The following LRPPRC variants were observed in gnomAD, a reference collection of about 807,000 sequenced individuals.
LRPPRC encodes the protein leucine rich pentatricopeptide repeat containing, also known as leucine-rich PPR motif-containing protein, mitochondrial.
In LRPPRC, 120 loss-of-function variants were observed where a neutral mutation model predicts 180.3. That is an observed-to-expected ratio of 0.67 (90% CI 0.57 to 0.77). The LOEUF (loss-of-function observed/expected upper bound fraction) is 0.77, where lower values mean the gene tolerates loss of function less well. Among genes scored for constraint, LRPPRC ranks in the 30% least tolerant of loss-of-function variants. The pLI, the probability that LRPPRC is intolerant of heterozygous loss-of-function variation, is 0.00. For missense variants in LRPPRC, 2,012 were observed against 1,657.2 expected, an observed-to-expected ratio of 1.21 and a Z score of -3.72; for synonymous variants, 723 against 600.0, an observed-to-expected ratio of 1.21 and a Z score of -3.00.
intron 36 of LRPPRC, among the ~76,000 whole-genome samples, chr2:43,892,238 A>C (rs1034340042): frequency 1.3e-5 from 2 of 152,260 alleles, no homozygotes; most frequent in Non-Finnish European, 2.9e-5. Flanking sequence ...CTTATATTAG[A>C]AGATGTCATC....
intron 15 of LRPPRC, 133 bp downstream of exon 15, chr2:43,950,440 A>T: frequency 1.3e-6 from 1 of 769,662 alleles, no homozygotes; most frequent in Non-Finnish European, 2.3e-6. Flanking sequence ...ATTATTTTTC[A>T]ACATTAACTC....
At chr2:43,981,908 C>CT (rs143480088) in intron 2 of LRPPRC, among the ~76,000 whole-genome samples, 43 of 151,390 alleles carry the variant, frequency 2.8e-4, no homozygotes, top group Middle Eastern at 3.4e-3. Context: ...AAATTTAAGA[C>CT]TTTTTTTTTT....
At chr2:43,889,921 T>TATC in intron 36 of LRPPRC, 45 bp from the exon 37 acceptor site, 1 of 1,451,438 alleles carries the variant, frequency 6.9e-7, no homozygotes, top group Non-Finnish European at 9.7e-7. Flanking sequence ...AAAGACAACC[T>TATC]ATCTTACTCT....
In LRPPRC at chr2:43,980,553, C is replaced by CA. The variant is rs145131663; in HGVS notation, c.347-606dup. Among the ~76,000 whole-genome samples, 352 of 84,766 alleles carry CA rather than the reference C, an allele frequency of 4.2e-3. 2 individuals carry two copies. Among genetic ancestry groups the CA allele is most frequent in the African/African-American group, 5.3e-3 (121 of 22,744 alleles). 55.6% of individuals were successfully genotyped at this position (84,766 alleles called of 152,430 possible). On this transcript the variant is annotated intron_variant, in intron 2 of 37. Transcript: ENST00000260665. ...AGACAACAAGATCAAGACTCTGTTT[C>CA]AAAAAAAAAAAAAAAAAGAAGAAAG...
chr2:43,982,252 T>A lies in LRPPRC; in HGVS notation c.332A>T (p.Asp111Val). The change falls in exon 2 of 38, where the codon GAT becomes GTT. Residue 111 changes from aspartate (D) to valine (V), a missense_variant. Asp to Val is a radical substitution (Grantham distance 152). Transcript: ENST00000260665. ...PKKLLQKVFN[D>V]TCRSGGLGGS... is the part of the protein sequence containing the mutation. The stretch of plus-strand genomic sequence containing the variant: ...TTTTGAAATACCTGAGCGGCAGGTA[T>A]CATTAAAAACTTTTTGTAGAAGCTT... The A allele has an allele frequency of 1.3e-6, 2 of 1,570,168 alleles. No homozygotes were observed. Among genetic ancestry groups the A allele is most frequent in the Non-Finnish European group, 1.7e-6 (2 of 1,161,848 alleles).
rs182233884 is a variant in LRPPRC at position 43,899,076 on chromosome 2, C to A, written c.3825+143G>T. 216 of 691,478 alleles carry A rather than the reference C, an allele frequency of 3.1e-4. No individual in the cohort carries two copies. In the Admixed American group the frequency reaches 4.3e-3, roughly 14 times the overall value. 42.8% of individuals were successfully genotyped at this position (691,478 alleles called of 1,614,324 possible). A position where few individuals can be genotyped will look rare whatever the true frequency, so the allele number is the denominator to read the frequency against. ...TACCATCCAGTCCTTGTCCTGCAAC[C>A]GTGATTCACACTGAATGTAAACAAG... On this transcript the variant is annotated intron_variant, in intron 34 of 37. Transcript: ENST00000260665.
chr2:43,925,969 A>G lies in LRPPRC; in HGVS notation c.2737-8T>C. 6.4e-7 allele frequency: 1 copy of G among 1,573,910 alleles called. No homozygotes were observed. The highest frequency in any genetic ancestry group is 8.7e-7 in the Non-Finnish European group (1 of 1,143,402). Reference sequence around the variant, plus strand: ...AGCTCTAATCCCTGGAGTCTGTAAAATAAAATAATCACATAGCACCCAAGG... The same window carrying G: ...AGCTCTAATCCCTGGAGTCTGTAAAGTAAAATAATCACATAGCACCCAAGG... On this transcript the variant is annotated splice_region_variant and splice_polypyrimidine_tract_variant and intron_variant, in intron 25 of 37. Transcript: ENST00000260665.
At chr2:43,991,660 T>C (rs1185283890) in intron 1 of LRPPRC, among the ~76,000 whole-genome samples, 4 of 152,178 alleles carry the variant, frequency 2.6e-5, no homozygotes, top group African/African-American at 9.7e-5. Context: ...TAAAAGCTGG[T>C]TTTCCAGAAA....
intron 30 of LRPPRC, among the ~76,000 whole-genome samples, chr2:43,909,838 C>A (rs1406950577): frequency 6.6e-6 from 1 of 151,964 alleles, no homozygotes; most frequent in Non-Finnish European, 1.5e-5. Flanking sequence ...AGAAGATAAA[C>A]CTATGTTTCA....
intron 1 of LRPPRC, among the ~76,000 whole-genome samples, chr2:43,985,467 GC>G: frequency 6.6e-6 from 1 of 152,046 alleles, no homozygotes; most frequent in Non-Finnish European, 1.5e-5. Context: ...CCCTAAAAAT[GC>G]CCCATGCTCT....
At chr2:43,960,113 G>C (rs967123560) in intron 13 of LRPPRC, among the ~76,000 whole-genome samples, 52 of 152,130 alleles carry the variant, frequency 3.4e-4, no homozygotes, top group African/African-American at 1.2e-3. Context: ...TTTTGTTAAT[G>C]AAGACTAGAA....
chr2:43,948,558 C>A lies in LRPPRC; in HGVS notation c.1736-40G>T, dbSNP rs752714001. Reference sequence around the variant, plus strand: ...AAGAGAAAGCATTCCACTAAAATTACCGAGACTGTCATGTTATCAAGATTA... The same window carrying A: ...AAGAGAAAGCATTCCACTAAAATTAACGAGACTGTCATGTTATCAAGATTA... On this transcript the variant is annotated intron_variant, in intron 16 of 37. Coordinates refer to ENST00000260665, the MANE Select transcript of LRPPRC (RefSeq NM_133259.4). The A allele has an allele frequency of 1.6e-5, 15 of 948,536 alleles. No individual in the cohort carries two copies. The African/African-American group carries it at 2.4e-4, about 15-fold the overall frequency. 58.8% of individuals were successfully genotyped at this position (948,536 alleles called of 1,614,324 possible).
chr2:43,934,384 A>G (rs1422520284), intron 24 of LRPPRC, 88 bp from the exon 25 acceptor site: 12 of 679,324 alleles, frequency 1.8e-5, no homozygotes, highest in Admixed American at 2.8e-5. Context: ...AAATACAAGA[A>G]AAATTTATTT....
intron 29 of LRPPRC, among the ~76,000 whole-genome samples, 163 bp downstream of exon 29, chr2:43,917,862 C>A (rs1558935597): frequency 6.6e-6 from 1 of 151,976 alleles, no homozygotes; most frequent in Non-Finnish European, 1.5e-5. Flanking sequence ...TCCCAATTGC[C>A]CCAAAATGTT....
At chr2:43,891,009 C>A (rs1670471478) in intron 36 of LRPPRC, among the ~76,000 whole-genome samples, 1 of 152,196 alleles carries the variant, frequency 6.6e-6, no homozygotes, top group Non-Finnish European at 1.5e-5. Flanking sequence ...AGGGGAACCC[C>A]TAAGACAGAG....
At chr2:43,937,953 T>C (rs549916907) in intron 23 of LRPPRC, among the ~76,000 whole-genome samples, 2 of 152,322 alleles carry the variant, frequency 1.3e-5, no homozygotes, top group Non-Finnish European at 2.9e-5. Context: ...CTTTGAGCAC[T>C]AGAAATGATT....
chr2:43,942,025 A>C (rs1392422467), intron 23 of LRPPRC, among the ~76,000 whole-genome samples: 1 of 152,046 alleles, frequency 6.6e-6, no homozygotes, highest in Non-Finnish European at 1.5e-5. Flanking sequence ...TTCAGGATAT[A>C]ATCAGAAGCA....
chr2:43,908,724 A>G (rs1671150108), intron 30 of LRPPRC, among the ~76,000 whole-genome samples: 1 of 152,226 alleles, frequency 6.6e-6, no homozygotes, highest in African/African-American at 2.4e-5. Context: ...ACAGGGTTTC[A>G]CCAAGTTGGC....
chr2:43,996,067 C>T, upstream of LRPPRC: 1 of 973,914 alleles, frequency 1.0e-6, no homozygotes, highest in Non-Finnish European at 1.5e-6. Context: ...GTGGGGGGAG[C>T]GACGGATTGT....
Sources: gnomAD v4.1 joint callset for allele counts (sites outside exome capture counted in the v4.1 genomes callset) on GRCh38, gnomAD v4.1.1 for gene constraint, MANE v1.5 for transcripts, NCBI Gene and HGNC (gene_info 2026-07-23, HGNC 2026-07-21) for gene names.